Variants in CUX1 observed in about 807,000 individuals in gnomAD.
CUX1 encodes the protein cut like homeobox 1.
In CUX1, 31 loss-of-function variants were observed where a neutral mutation model predicts 158.8. The observed-to-expected ratio is 0.20, with a 90% CI of 0.15 to 0.26. CUX1 has a LOEUF of 0.26. Among genes scored for constraint, CUX1 ranks in the 10% least tolerant of loss-of-function variants. CUX1 has a pLI of 1.00. For missense variants in CUX1, 1,589 were observed against 2,014.6 expected, an observed-to-expected ratio of 0.79 and a Z score of 4.04; for synonymous variants, 879 against 862.1, an observed-to-expected ratio of 1.02 and a Z score of -0.34.
intron 2 of CUX1, among the ~76,000 whole-genome samples, chr7:101,978,180 T>A (rs1290700862): frequency 6.6e-6 from 1 of 152,170 alleles, no homozygotes; most frequent in Admixed American, 6.5e-5. Flanking sequence ...GGATGGCGTC[T>A]ATATTTATAT....
chr7:102,207,437 T>C (rs948285673), intron 20 of CUX1, among the ~76,000 whole-genome samples: 4 of 152,118 alleles, frequency 2.6e-5, no homozygotes, highest in African/African-American at 9.7e-5. Context: ...AAAAGATTTC[T>C]TATTTGCAGG....
At chr7:102,048,066 C>A (rs149572562) in intron 3 of CUX1, among the ~76,000 whole-genome samples, 1 of 152,134 alleles carries the variant, frequency 6.6e-6, no homozygotes, top group South Asian at 2.1e-4. Context: ...TTTACGTCTA[C>A]AAAGCACCAT....
intron 20 of CUX1, among the ~76,000 whole-genome samples, chr7:102,225,722 G>T (rs1554528409): frequency 6.6e-6 from 1 of 152,230 alleles, no homozygotes; most frequent in African/African-American, 2.4e-5. Flanking sequence ...AGGTGTAGTG[G>T]TGCAAGTCTG....
chr7:102,081,414 G>C lies in CUX1; in HGVS notation c.268+10997G>C, dbSNP rs1048199711. On this transcript the variant is annotated intron_variant, in intron 4 of 23. Transcript: ENST00000292535. ...ATTGGATCATGGGGGCAGTTTCCCC[G>C]TGGCTGTTTTCATGATAGTGAGTGA... Among the ~76,000 whole-genome samples, 17 of 146,414 alleles carry C rather than the reference G, an allele frequency of 1.2e-4. 1 individual carries two copies. The highest frequency in any genetic ancestry group is 4.1e-4 in the African/African-American group (17 of 41,080).
chr7:101,926,900 G>A (rs1281719459), intron 2 of CUX1, among the ~76,000 whole-genome samples: 4 of 152,092 alleles, frequency 2.6e-5, no homozygotes, highest in African/African-American at 7.2e-5. Context: ...GTAGTCCTGA[G>A]CCCTTTTCTA....
At chr7:102,200,304 C>A (rs577198239) in intron 17 of CUX1, 132 bp downstream of exon 17, 5 of 668,142 alleles carry the variant, frequency 7.5e-6, no homozygotes, top group Non-Finnish European at 1.2e-5. Flanking sequence ...CATTTAGGCA[C>A]GTAGAGAGAA....
chr7:102,017,736 A>G (rs1372108416), intron 2 of CUX1, among the ~76,000 whole-genome samples: 1 of 151,702 alleles, frequency 6.6e-6, no homozygotes, highest in Non-Finnish European at 1.5e-5. Flanking sequence ...AATCCCAGCT[A>G]CTCAGGTGGC....
intron 20 of CUX1, among the ~76,000 whole-genome samples, chr7:102,213,042 C>G (rs1444550774): frequency 6.6e-6 from 1 of 152,118 alleles, no homozygotes; most frequent in East Asian, 1.9e-4. Flanking sequence ...CGGGGTTTCA[C>G]CATGTTGCTC....
rs562179854 is a variant in CUX1, at chr7:102,007,733, TTTTTG to T, written c.142-20345_142-20341del. 3.0e-3 allele frequency among the ~76,000 whole-genome samples: 456 copies of T among 151,360 alleles called. 1 individual carries two copies. The highest frequency in any genetic ancestry group is 9.0e-3 in the South Asian group (43 of 4,778). On this transcript the variant is annotated intron_variant, in intron 2 of 23. Transcript: ENST00000292535. ...TCGCCACCACCCACCTCTGGTGTTT[TTTTTG>T]TTTTGTTTTGTTTTGTTTTTTTTGA...
intron 2 of CUX1, among the ~76,000 whole-genome samples, chr7:101,931,620 C>T (rs770940231): frequency 5.9e-5 from 9 of 152,178 alleles, no homozygotes; most frequent in Non-Finnish European, 1.0e-4. Context: ...GGCTGGAGTG[C>T]AATGGCACAA....
intron 23 of CUX1, among the ~76,000 whole-genome samples, chr7:102,247,857 G>A (rs945432004): frequency 6.6e-5 from 10 of 152,074 alleles, no homozygotes; most frequent in African/African-American, 2.2e-4. Flanking sequence ...GTGGCCGGAC[G>A]CAGTGGCTCA....
chr7:101,900,758 A>AG (rs1184099443), intron 1 of CUX1, among the ~76,000 whole-genome samples: 2 of 151,646 alleles, frequency 1.3e-5, no homozygotes, highest in African/African-American at 2.4e-5. Flanking sequence ...CAGAAGAAGA[A>AG]AAAAAAAAGC....
At chr7:102,111,033 A>G (rs1585723143) in intron 6 of CUX1, among the ~76,000 whole-genome samples, 1 of 152,234 alleles carries the variant, frequency 6.6e-6, no homozygotes, top group Admixed American at 6.5e-5. Context: ...TCTGTATCCC[A>G]GTTTATTATT....
chr7:101,950,150 C>A (rs1400420375), intron 2 of CUX1, among the ~76,000 whole-genome samples: 1 of 152,148 alleles, frequency 6.6e-6, no homozygotes, highest in African/African-American at 2.4e-5. Flanking sequence ...GCTGGGATTA[C>A]AGGCACCCGC....
At chr7:101,892,303 C>T (rs745693682) in intron 1 of CUX1, among the ~76,000 whole-genome samples, 16 of 152,180 alleles carry the variant, frequency 1.1e-4, no homozygotes, top group Admixed American at 3.3e-4. Context: ...ATTACACAAG[C>T]GGCTGTTAGT....
At chr7:102,200,256 A>AC (rs1663324422) in intron 17 of CUX1, 84 bp downstream of exon 17, 1 of 902,360 alleles carries the variant, frequency 1.1e-6, no homozygotes, top group African/African-American at 1.8e-5. Flanking sequence ...GTAATTAACT[A>AC]TTTTTTTTTT....
At chr7:101,917,862 G>A (rs944505040) in intron 2 of CUX1, among the ~76,000 whole-genome samples, 1 of 152,168 alleles carries the variant, frequency 6.6e-6, no homozygotes, top group African/African-American at 2.4e-5. Flanking sequence ...TTGGCTGGGC[G>A]CAGTGGCTCA....
intron 2 of CUX1, among the ~76,000 whole-genome samples, chr7:101,975,898 T>TGGGAGG (rs1196212552): frequency 2.6e-5 from 4 of 152,202 alleles, no homozygotes; most frequent in Non-Finnish European, 5.9e-5. Flanking sequence ...CCCAGCACTT[T>TGGGAGG]GGGAGGCCAA....
chr7:102,107,131 G>C (rs990962682), intron 6 of CUX1, among the ~76,000 whole-genome samples: 1 of 152,216 alleles, frequency 6.6e-6, no homozygotes, highest in South Asian at 2.1e-4. Flanking sequence ...CTACTTGGGA[G>C]GCTGAGGCAG....
Sources: allele counts gnomAD v4.1 joint callset (sites outside exome capture counted in the v4.1 genomes callset), GRCh38; gene constraint gnomAD v4.1.1; transcripts MANE v1.5; gene names NCBI Gene and HGNC (gene_info 2026-07-23, HGNC 2026-07-21).